Variants in TCEANC2 observed in about 807,000 individuals in gnomAD.
The protein encoded by TCEANC2 is transcription elongation factor A N-terminal and central domain-containing protein 2.
TCEANC2 carries 20 observed loss-of-function variants against 22.8 expected under a neutral mutation model. That is an observed-to-expected ratio of 0.88 (90% CI 0.62 to 1.28). The LOEUF is 1.28. TCEANC2 is among the 50% of genes most tolerant of loss of function. TCEANC2 has a pLI of 0.00. For synonymous variants in TCEANC2, 84 were observed against 95.5 expected (o/e 0.88, Z 0.70); for missense variants, 251 against 249.7 (o/e 1.01, Z -0.03).
chr1:54,063,115 T>C (rs1365243137), intron 2 of TCEANC2, among the ~76,000 whole-genome samples: 1 of 152,156 alleles, frequency 6.6e-6, no homozygotes, highest in African/African-American at 2.4e-5. Flanking sequence ...CCAGATATAA[T>C]GCTTAGGGGC....
intron 3 of TCEANC2, among the ~76,000 whole-genome samples, chr1:54,086,178 C>A (rs1403372213): frequency 6.6e-6 from 1 of 152,150 alleles, no homozygotes; most frequent in Non-Finnish European, 1.5e-5. Context: ...CCAACCTGCT[C>A]TCCTGATTCC....
At chr1:54,083,150 A>G (rs566256210) in intron 3 of TCEANC2, among the ~76,000 whole-genome samples, 9 of 152,302 alleles carry the variant, frequency 5.9e-5, no homozygotes, top group Non-Finnish European at 8.8e-5. Context: ...GTGACCAAAA[A>G]TGTTGAGTTA....
At chr1:54,079,920 G>GT (rs1003887949) in intron 3 of TCEANC2, among the ~76,000 whole-genome samples, 4 of 151,932 alleles carry the variant, frequency 2.6e-5, no homozygotes, top group African/African-American at 9.7e-5. Flanking sequence ...TTGAGTTATC[G>GT]TTATTATTAT....
rs1570034089 is a variant in TCEANC2, at chr1:54,103,744, A to G, written c.*7271A>G. 3 of 152,234 alleles carry G rather than the reference A, an allele frequency of 2.0e-5. No individual in the cohort carries two copies. Among genetic ancestry groups the G allele is most frequent in the Admixed American group, 1.3e-4 (2 of 15,282 alleles). The allele number at this position is 152,234 out of a possible 1,614,324, so 9.4% of individuals were successfully genotyped here. On this transcript the variant is annotated 3_prime_UTR_variant, in exon 5 of 5. Coordinates refer to ENST00000234827, the MANE Select transcript of TCEANC2 (RefSeq NM_153035.3). ...CCAGCAGCCACTTGGGAAGTTGGCT[A>G]TATTAAACCCTGTCTACCCTGGAAA...
intron 2 of TCEANC2, among the ~76,000 whole-genome samples, chr1:54,058,612 A>T (rs1476751626): frequency 6.6e-6 from 1 of 152,072 alleles, no homozygotes. Flanking sequence ...CCCCTGCTTT[A>T]TATGTACGCA....
rs1235547058 is a variant in TCEANC2 at position 54,099,973 on chromosome 1, T to G, written c.*3500T>G. 6.6e-6 allele frequency: 1 copy of G among 152,106 alleles called. No individual in the cohort carries two copies. Among genetic ancestry groups the G allele is most frequent in the East Asian group, 1.9e-4 (1 of 5,164 alleles). The allele number at this position is 152,106 out of a possible 1,614,324, so 9.4% of individuals were successfully genotyped here. A position where few individuals can be genotyped will look rare whatever the true frequency, so the allele number is the denominator to read the frequency against. On this transcript the variant is annotated 3_prime_UTR_variant, in exon 5 of 5. Transcript: ENST00000234827. The stretch of plus-strand genomic sequence containing the variant: ...GGAGGTCCTGGTTGGGCATGGTAGC[T>G]CACACCTATAATCCCAGCACTTTGG...
chr1:54,112,137 G>T (rs1448474457), exon 5 of TCEANC2: 1 of 152,076 alleles, frequency 6.6e-6, no homozygotes, highest in East Asian at 1.9e-4. Flanking sequence ...GAGCTTAAGA[G>T]TTCAAGACCA....
intron 3 of TCEANC2, among the ~76,000 whole-genome samples, chr1:54,074,375 A>C (rs907936297): frequency 6.6e-6 from 1 of 152,164 alleles, no homozygotes; most frequent in Non-Finnish European, 1.5e-5. Flanking sequence ...AGGCAGGAGA[A>C]TGGCGTGAAC....
At chr1:54,107,901 G>T (rs1202086817), downstream of TCEANC2, among the ~76,000 whole-genome samples, 3 of 152,184 alleles carry the variant, frequency 2.0e-5, no homozygotes, top group Non-Finnish European at 4.4e-5. Context: ...ATCTAAGTAA[G>T]AGAATATTTT....
rs1658690100 is a variant in TCEANC2 at position 54,103,121 on chromosome 1, C to T, written c.*6648C>T. 1 of 152,214 alleles carries T rather than the reference C, an allele frequency of 6.6e-6. No individual in the cohort carries two copies. Among genetic ancestry groups the T allele is most frequent in the South Asian group, 2.1e-4 (1 of 4,810 alleles). 9.4% of individuals were successfully genotyped at this position (152,214 alleles called of 1,614,324 possible). A position where few individuals can be genotyped will look rare whatever the true frequency, so the allele number is the denominator to read the frequency against. ...GTAAACACCCACCAGAGAGCACATA[C>T]CATGGAGAAGCACTAAACAACAATG... On this transcript the variant is annotated 3_prime_UTR_variant, in exon 5 of 5. Coordinates refer to ENST00000234827, the MANE Select transcript of TCEANC2 (RefSeq NM_153035.3).
At chr1:54,066,055 C>T (rs1024286053) in intron 2 of TCEANC2, among the ~76,000 whole-genome samples, 1 of 151,872 alleles carries the variant, frequency 6.6e-6, no homozygotes, top group African/African-American at 2.4e-5. Context: ...TGCACTCCAG[C>T]CTGGGCGACA....
chr1:54,077,247 A>G (rs1029579627), intron 3 of TCEANC2, among the ~76,000 whole-genome samples: 3 of 152,090 alleles, frequency 2.0e-5, no homozygotes, highest in Non-Finnish European at 2.9e-5. Context: ...CTGCTTTCAG[A>G]CAAGCACAAA....
chr1:54,057,592 A>G (rs377629789), intron 2 of TCEANC2, among the ~76,000 whole-genome samples: 1 of 152,022 alleles, frequency 6.6e-6, no homozygotes, highest in African/African-American at 2.4e-5. Context: ...GAGCAGTGCT[A>G]TGGTCTGTTG....
In TCEANC2 at chr1:54,100,530, C is replaced by T. The variant is rs1570031441; in HGVS notation, c.*4057C>T. ...AAGATGGGGAAAGGAATGAATAACA[C>T]CACTCAGAGGAAGAATCTTCACAGA... is the stretch of plus-strand genomic sequence containing the variant. On this transcript the variant is annotated 3_prime_UTR_variant, in exon 5 of 5. Coordinates refer to ENST00000234827, the MANE Select transcript of TCEANC2 (RefSeq NM_153035.3). 6.6e-6 allele frequency: 1 copy of T among 152,148 alleles called. No individual in the cohort carries two copies. Among genetic ancestry groups the T allele is most frequent in the Non-Finnish European group, 1.5e-5 (1 of 68,042 alleles). 9.4% of individuals were successfully genotyped at this position (152,148 alleles called of 1,614,324 possible).
chr1:54,087,600 G>C (rs1658362723), intron 3 of TCEANC2, among the ~76,000 whole-genome samples: 1 of 152,134 alleles, frequency 6.6e-6, no homozygotes, highest in South Asian at 2.1e-4. Context: ...TTAGTATCTA[G>C]TGCATATTCA....
intron 3 of TCEANC2, among the ~76,000 whole-genome samples, chr1:54,072,546 G>A (rs561026908): frequency 6.6e-6 from 1 of 152,152 alleles, no homozygotes; most frequent in Non-Finnish European, 1.5e-5. Context: ...ACAGGCACGT[G>A]CCACCACACC....
At chr1:54,083,011 G>T (rs146871790) in intron 3 of TCEANC2, among the ~76,000 whole-genome samples, 1 of 152,140 alleles carries the variant, frequency 6.6e-6, no homozygotes, top group East Asian at 1.9e-4. Context: ...GAGAACAGGC[G>T]AGGAGGAAGA....
chr1:54,065,789 A>G (rs569677160), intron 2 of TCEANC2, among the ~76,000 whole-genome samples: 1 of 152,136 alleles, frequency 6.6e-6, no homozygotes, highest in Non-Finnish European at 1.5e-5. Context: ...ATAGAGGGAA[A>G]AAAAAGGGGC....
At chr1:54,062,475 G>A (rs1657876264) in intron 2 of TCEANC2, among the ~76,000 whole-genome samples, 1 of 152,188 alleles carries the variant, frequency 6.6e-6, no homozygotes, top group Non-Finnish European at 1.5e-5. Context: ...CTTAGTCCTT[G>A]AAGGTAGAAA....
Sources: allele counts gnomAD v4.1 joint callset (sites outside exome capture counted in the v4.1 genomes callset), GRCh38; gene constraint gnomAD v4.1.1; transcripts MANE v1.5; gene names NCBI Gene and HGNC (gene_info 2026-07-23, HGNC 2026-07-21).